Variants in CHAT observed in about 807,000 individuals in gnomAD.
The protein encoded by CHAT is acetyl CoA:choline O-acetyltransferase.
A neutral mutation model predicts 76.9 loss-of-function variants in CHAT; 61 were observed. The observed-to-expected ratio is 0.79, with a 90% CI of 0.65 to 0.98. The LOEUF (loss-of-function observed/expected upper bound fraction) is 0.98, where lower values mean the gene tolerates loss of function less well. CHAT is among the 50% of genes least tolerant of loss of function. The pLI is 0.00. For synonymous variants in CHAT, 407 were observed against 397.4 expected, an observed-to-expected ratio of 1.02 and a Z score of -0.29; for missense variants, 946 against 986.9, an observed-to-expected ratio of 0.96 and a Z score of 0.56.
chr10:49,656,768 G>A (rs573704587), intron 13 of CHAT, among the ~76,000 whole-genome samples: 1 of 152,290 alleles, frequency 6.6e-6, no homozygotes, highest in East Asian at 1.9e-4. Context: ...TTGGAATTGG[G>A]GGTGGGAATG....
intron 7 of CHAT, among the ~76,000 whole-genome samples, chr10:49,638,234 C>T (rs1839358897): frequency 6.6e-6 from 1 of 152,142 alleles, no homozygotes; most frequent in Non-Finnish European, 1.5e-5. Flanking sequence ...GTGTACTTTA[C>T]CTGACATTAA....
intron 13 of CHAT, among the ~76,000 whole-genome samples, chr10:49,660,443 GA>G (rs58309202): frequency 0.7 from 100,608 of 142,914 alleles, 34,696 homozygotes; most frequent in East Asian, 0.8. Context: ...CTCCATCTCA[GA>G]AAAAAAAAAA....
chr10:49,662,076 T>C (rs1840210570), intron 13 of CHAT, among the ~76,000 whole-genome samples: 1 of 152,218 alleles, frequency 6.6e-6, no homozygotes, highest in Admixed American at 6.5e-5. Flanking sequence ...TCCTGAGCCA[T>C]GAAATAGCAG....
intron 2 of CHAT, among the ~76,000 whole-genome samples, chr10:49,619,210 A>G (rs984646333): frequency 5.3e-5 from 8 of 152,220 alleles, no homozygotes; most frequent in Non-Finnish European, 1.2e-4. Flanking sequence ...CCAGAGATCA[A>G]TCAGATTCTG....
chr10:49,640,131 CT>C (rs920717776), intron 7 of CHAT, among the ~76,000 whole-genome samples: 2 of 151,450 alleles, frequency 1.3e-5, no homozygotes, highest in South Asian at 4.2e-4. Flanking sequence ...CTTGTTGAGG[CT>C]TTTTTATGAT....
At chr10:49,625,761 C>T in intron 6 of CHAT, 108 bp downstream of exon 6, 3 of 1,205,644 alleles carry the variant, frequency 2.5e-6, no homozygotes, top group Admixed American at 4.0e-5. Context: ...CTGAGTCACA[C>T]AGGGAGCTGG....
upstream of CHAT, chr10:49,611,853 G>C: frequency 6.2e-7 from 1 of 1,605,530 alleles, no homozygotes; most frequent in South Asian, 1.1e-5. Flanking sequence ...GCGCCAGCTC[G>C]TGCATCGTGC....
At chr10:49,632,505 T>G (rs1235925311) in intron 7 of CHAT, among the ~76,000 whole-genome samples, 5 of 152,094 alleles carry the variant, frequency 3.3e-5, no homozygotes, top group Non-Finnish European at 5.9e-5. Context: ...TCCTGGAGCC[T>G]GGGTACAGGG....
In CHAT at chr10:49,662,880, TG is replaced by T. The variant is rs369224461; in HGVS notation, c.1977+99del. 3,289 of 1,445,892 alleles carry T rather than the reference TG, an allele frequency of 2.3e-3. 4 individuals are homozygous for T. The highest frequency in any genetic ancestry group is 3.0e-3 in the Non-Finnish European group (3,079 of 1,027,664). The allele number at this position is 1,445,892 out of a possible 1,614,324, so 89.6% of individuals were successfully genotyped here. A position where few individuals can be genotyped will look rare whatever the true frequency, so the allele number is the denominator to read the frequency against. ...CCACTAGCTGGAATCAGGCAAATCCTGCCTCTGCTTTTTCTGAACTATGTGA... is the reference window on the plus strand; with the variant it reads ...CCACTAGCTGGAATCAGGCAAATCCTCCTCTGCTTTTTCTGAACTATGTGA... On this transcript the variant is annotated intron_variant, in intron 14 of 14. Coordinates refer to ENST00000337653, the MANE Select transcript of CHAT (RefSeq NM_020549.5).
chr10:49,611,182 C>A (rs201839613), upstream of CHAT: 45 of 1,614,056 alleles, frequency 2.8e-5, no homozygotes, highest in Non-Finnish European at 3.6e-5. Context: ...CTTCATCGAC[C>A]GCATGAGCTA....
At chr10:49,641,915 G>C (rs1359117555) in intron 7 of CHAT, among the ~76,000 whole-genome samples, 1 of 152,212 alleles carries the variant, frequency 6.6e-6, no homozygotes, top group African/African-American at 2.4e-5. Flanking sequence ...GCCCTGCACA[G>C]AGAGAGATAC....
chr10:49,636,372 G>A lies in CHAT; in HGVS notation c.1111+8587G>A, dbSNP rs56700747. On this transcript the variant is annotated intron_variant, in intron 7 of 14. Transcript: ENST00000337653. ...CCTGAAATGAGCCCCAGTTGGTCAT[G>A]GTGTATAATTCTTTTCATATATTGC... Among the ~76,000 whole-genome samples, 865 of 152,182 alleles carry A rather than the reference G, an allele frequency of 5.7e-3. 9 individuals are homozygous for A. Among genetic ancestry groups the A allele is most frequent in the African/African-American group, 0.02 (821 of 41,548 alleles).
intron 2 of CHAT, among the ~76,000 whole-genome samples, chr10:49,617,824 G>A (rs987391840): frequency 6.6e-6 from 1 of 152,162 alleles, no homozygotes; most frequent in Non-Finnish European, 1.5e-5. Flanking sequence ...GGGCAGTCTG[G>A]GATGCTGTCC....
intron 8 of CHAT, among the ~76,000 whole-genome samples, chr10:49,647,475 G>A (rs1489024654): frequency 6.6e-6 from 1 of 152,216 alleles, no homozygotes; most frequent in Non-Finnish European, 1.5e-5. Context: ...CTTTGGGTTA[G>A]CAAAGCTCAC....
chr10:49,634,295 A>T (rs1839224378), intron 7 of CHAT, among the ~76,000 whole-genome samples: 1 of 152,200 alleles, frequency 6.6e-6, no homozygotes, highest in Non-Finnish European at 1.5e-5. Context: ...TGTGGGCAGG[A>T]CCAAGGGGAT....
At chr10:49,616,113 A>AG in intron 1 of CHAT, 1 of 1,603,008 alleles carries the variant, frequency 6.2e-7, no homozygotes, top group Non-Finnish European at 8.5e-7. Context: ...ACCCTTGAGA[A>AG]GCTAGTGGGA....
chr10:49,622,158 T>A lies in CHAT; in HGVS notation c.752+8T>A. 6.2e-7 allele frequency: 1 copy of A among 1,613,960 alleles called. No individual in the cohort carries two copies. The highest frequency in any genetic ancestry group is 8.5e-7 in the Non-Finnish European group (1 of 1,179,848). ...CAAGGCCCTGCTGGACAGGTAGGAC[T>A]GGGAGGGTGGTGCCCTGTTCCAGCA... On this transcript the variant is annotated splice_region_variant and intron_variant, in intron 5 of 14. Coordinates refer to ENST00000337653, the MANE Select transcript of CHAT (RefSeq NM_020549.5).
chr10:49,611,126 C>T, upstream of CHAT: 2 of 1,614,144 alleles, frequency 1.2e-6, no homozygotes, highest in Non-Finnish European at 8.5e-7. Flanking sequence ...GTGCTGTTTG[C>T]TTCCAAGGCT....
rs201489027 is a variant in CHAT at position 49,625,457 on chromosome 10, C to T, written c.753-16C>T. 363 of 1,611,806 alleles carry T rather than the reference C, an allele frequency of 2.3e-4. No homozygotes were observed. The African/African-American group carries it at 4.5e-3, about 20-fold the overall frequency. On this transcript the variant is annotated splice_polypyrimidine_tract_variant and intron_variant, in intron 5 of 14. Transcript: ENST00000337653. Reference sequence around the variant, plus strand: ...ATCCCCTCGTGGCTGCCTCCCTTCCCACTCCTCTCCTTCAGCCACTCCATT... The same window carrying T: ...ATCCCCTCGTGGCTGCCTCCCTTCCTACTCCTCTCCTTCAGCCACTCCATT...
Sources: allele counts gnomAD v4.1 joint callset (sites outside exome capture counted in the v4.1 genomes callset), GRCh38; gene constraint gnomAD v4.1.1; transcripts MANE v1.5; gene names NCBI Gene and HGNC (gene_info 2026-07-23, HGNC 2026-07-21).